Variants in FMN1 observed in about 807,000 individuals in gnomAD.
FMN1 encodes formin-1.
A neutral mutation model predicts 132.4 loss-of-function variants in FMN1; 110 were observed. That is an observed-to-expected ratio of 0.83 (90% CI 0.71 to 0.97). FMN1 has a LOEUF of 0.97. Among genes scored for constraint, FMN1 ranks in the 50% least tolerant of loss-of-function variants. The pLI, the probability that FMN1 is intolerant of heterozygous loss-of-function variation, is 0.00. For missense variants in FMN1, 1,792 were observed against 1,705.3 expected (o/e 1.05, Z -0.90); for synonymous variants, 722 against 651.7 (o/e 1.11, Z -1.64).
rs147184672 is a variant in FMN1 at position 33,188,953 on chromosome 15, C to T, written c.-197+4956G>A. On this transcript the variant is annotated intron_variant, in intron 2 of 20. Transcript: ENST00000616417. ...GTCACTTAACAAGAGAAAATTTGGG[C>T]ATAAGAGTTACTGTTGCTTGCTGCT... is the stretch of plus-strand genomic sequence containing the variant. Among the ~76,000 whole-genome samples the T allele has an allele frequency of 3.8e-3, 577 of 152,246 alleles. 6 individuals are homozygous for T. The highest frequency in any genetic ancestry group is 0.014 in the African/African-American group (565 of 41,550).
At chr15:33,057,693 G>C (rs1328172186) in intron 6 of FMN1, among the ~76,000 whole-genome samples, 1 of 152,072 alleles carries the variant, frequency 6.6e-6, no homozygotes, top group Non-Finnish European at 1.5e-5. Flanking sequence ...CTTTCCCTCT[G>C]AAATCATTTT....
At chr15:32,861,537 T>G (rs1380581478) in intron 16 of FMN1, among the ~76,000 whole-genome samples, 2 of 152,218 alleles carry the variant, frequency 1.3e-5, no homozygotes, top group Admixed American at 1.3e-4. Flanking sequence ...GATATGATAT[T>G]TAAGATAATA....
rs781485686 is a variant in FMN1 at position 32,857,063 on chromosome 15, C to T, written c.3880G>A (p.Glu1294Lys). ...MVVVCKESPK[E>K]YLQPFKDKLE... is the part of the protein sequence containing the mutation. ...TTGTCCTTGAAAGGCTGGAGATACT[C>T]CTTTGGGGACTCCTTGCACACCACC... Residue 1294 changes from glutamate to lysine, a missense_variant, in exon 17 of 21, where the codon GAG becomes AAG. By Grantham distance (56) the Glu-to-Lys change is moderately conservative. This residue lies in a region of FMN1 where 1,150 missense variants were observed against 1,043.1 expected (regional missense o/e 1.10). Transcript: ENST00000616417. The T allele has an allele frequency of 1.2e-6, 2 of 1,613,952 alleles. No individual in the cohort carries two copies. The highest frequency in any genetic ancestry group is 1.7e-6 in the Non-Finnish European group (2 of 1,179,826).
At chr15:33,049,655 C>G (rs151249908) in intron 6 of FMN1, among the ~76,000 whole-genome samples, 1 of 152,206 alleles carries the variant, frequency 6.6e-6, no homozygotes, top group African/African-American at 2.4e-5. Context: ...TTCTATACAT[C>G]GTGAACTATA....
chr15:32,931,787 A>T (rs947653096), intron 9 of FMN1, among the ~76,000 whole-genome samples: 2 of 152,198 alleles, frequency 1.3e-5, no homozygotes, highest in Admixed American at 6.5e-5. Flanking sequence ...CTTAGTGGAA[A>T]TGCTTTTGGT....
intron 4 of FMN1, among the ~76,000 whole-genome samples, chr15:33,095,705 A>G (rs1342840938): frequency 6.6e-6 from 1 of 152,158 alleles, no homozygotes. Context: ...AGAATGCAAA[A>G]AAAAGTCATA....
At position 32,812,619 on chromosome 15, in the gene FMN1, C is replaced by T. The variant is rs916561917; in HGVS notation, c.3929-8287G>A. On this transcript the variant is annotated intron_variant, in intron 17 of 20. Transcript: ENST00000616417. ...AGTCAAGTGATGGGTCTTGTCAAAA[C>T]GCAGGTGCGCAACAGACAGTTTATT... 2.6e-5 allele frequency among the ~76,000 whole-genome samples: 4 copies of T among 152,304 alleles called. No individual in the cohort carries two copies. In the South Asian group the frequency reaches 6.2e-4, roughly 24 times the overall value.
chr15:33,125,817 GTTCATCAAGAATGTGC>G (rs1212768494), intron 4 of FMN1, among the ~76,000 whole-genome samples: 1 of 152,092 alleles, frequency 6.6e-6, no homozygotes, highest in Non-Finnish European at 1.5e-5. Context: ...TTTTCATGTA[GTTCATCAAGAATGTGC>G]TTCATCAGTA....
At chr15:32,903,459 C>A (rs565805825) in intron 12 of FMN1, among the ~76,000 whole-genome samples, 1 of 152,136 alleles carries the variant, frequency 6.6e-6, no homozygotes, top group Admixed American at 6.6e-5. Flanking sequence ...AGCATTTGAT[C>A]CTGTAATGAG....
rs565470873 is a variant in FMN1, at chr15:32,967,874, G to A, written c.2987+840C>T. Among the ~76,000 whole-genome samples, 4 of 152,346 alleles carry A rather than the reference G, an allele frequency of 2.6e-5. No homozygotes were observed. In the South Asian group the frequency reaches 8.3e-4, roughly 32 times the overall value. On this transcript the variant is annotated intron_variant, in intron 8 of 20. Transcript: ENST00000616417. ...TGACTTGGGAAAAGCTGTAAAATGT[G>A]TCCTATATTTGCTGTCCTTTACAAA...
At chr15:32,787,955 A>G (rs534738260) in intron 19 of FMN1, among the ~76,000 whole-genome samples, 3 of 152,344 alleles carry the variant, frequency 2.0e-5, no homozygotes, top group African/African-American at 7.2e-5. Context: ...TATTCCTAAG[A>G]TATTTTCCTA....
chr15:32,972,256 G>A (rs1008673586), intron 7 of FMN1, among the ~76,000 whole-genome samples: 9 of 152,110 alleles, frequency 5.9e-5, no homozygotes, highest in African/African-American at 1.9e-4. Flanking sequence ...CCAGCCCCAT[G>A]CCCTCTACTG....
chr15:33,123,534 A>G (rs532831046), intron 4 of FMN1, among the ~76,000 whole-genome samples: 14 of 152,372 alleles, frequency 9.2e-5, no homozygotes, highest in South Asian at 2.1e-4. Flanking sequence ...TACAAGGCCT[A>G]GAATCTATTT....
At chr15:32,858,833 A>G (rs1220423549) in intron 16 of FMN1, among the ~76,000 whole-genome samples, 1 of 152,206 alleles carries the variant, frequency 6.6e-6, no homozygotes, top group African/African-American at 2.4e-5. Context: ...ACTACTTTAT[A>G]GCTTCTCTGC....
At chr15:32,801,916 T>G (rs2057494388) in intron 18 of FMN1, among the ~76,000 whole-genome samples, 1 of 152,254 alleles carries the variant, frequency 6.6e-6, no homozygotes, top group Non-Finnish European at 1.5e-5. Flanking sequence ...CCTAGACTGT[T>G]GTCTTTCCTA....
At chr15:33,192,097 C>G (rs116357569) in intron 2 of FMN1, among the ~76,000 whole-genome samples, 2 of 152,130 alleles carry the variant, frequency 1.3e-5, no homozygotes, top group Non-Finnish European at 2.9e-5. Context: ...TACACTGATA[C>G]GAATAAAGTT....
At chr15:32,860,134 G>GAGAGAA (rs1286762690) in intron 16 of FMN1, among the ~76,000 whole-genome samples, 1 of 140,558 alleles carries the variant, frequency 7.1e-6, no homozygotes, top group Non-Finnish European at 1.6e-5. Flanking sequence ...GAGAGACAAA[G>GAGAGAA]AGAGAAAGAA....
chr15:32,973,574 T>TCCCCCC (rs1244811951), intron 7 of FMN1, among the ~76,000 whole-genome samples: 25 of 142,746 alleles, frequency 1.8e-4, no homozygotes, highest in African/African-American at 6.0e-4. Context: ...TCTCTGCCCC[T>TCCCCCC]CACCCCCCCC....
intron 6 of FMN1, among the ~76,000 whole-genome samples, chr15:33,033,561 A>G (rs984985551): frequency 2.0e-5 from 3 of 151,760 alleles, no homozygotes; most frequent in Admixed American, 6.6e-5. Context: ...TTCCCTCTCT[A>G]CCAGAACCTT....
Sources: gnomAD v4.1 joint callset for allele counts (sites outside exome capture counted in the v4.1 genomes callset) on GRCh38, gnomAD v4.1.1 for gene constraint, gnomAD v4.1.1 regional missense constraint, MANE v1.5 for transcripts, NCBI Gene and HGNC (gene_info 2026-07-23, HGNC 2026-07-21) for gene names.